CHMP1A: variants seen among roughly 807,000 people sequenced by gnomAD.
CHMP1A encodes VPS46 homolog A.
Under a neutral mutation model 27.0 loss-of-function variants are expected in CHMP1A, and 17 were observed. That is an observed-to-expected ratio of 0.63 (90% CI 0.43 to 0.95). The LOEUF (loss-of-function observed/expected upper bound fraction) is 0.95, where lower values mean the gene tolerates loss of function less well. Ranked by LOEUF, CHMP1A falls within the 40% of genes least tolerant of loss-of-function variation. CHMP1A has a pLI of 0.00. For missense variants in CHMP1A, 275 were observed against 264.0 expected, an observed-to-expected ratio of 1.04 and a Z score of -0.29; for synonymous variants, 131 against 107.5, an observed-to-expected ratio of 1.22 and a Z score of -1.35.
In CHMP1A at chr16:89,646,829, T is replaced by G. The variant is rs573021142; in HGVS notation, c.382-115A>C. On this transcript the variant is annotated intron_variant, in intron 5 of 6. Coordinates refer to ENST00000397901, the MANE Select transcript of CHMP1A (RefSeq NM_002768.5). ...TCCCTCACACAGCCAGCCACCTTCT[T>G]GCCCTGTTCTCTCAGTGACTCTCTC... 1.4e-4 allele frequency: 169 copies of G among 1,200,436 alleles called. No individual in the cohort carries two copies. In the African/African-American group the frequency reaches 2.0e-3, roughly 14 times the overall value. The allele number at this position is 1,200,436 out of a possible 1,614,324, so 74.4% of individuals were successfully genotyped here. A position where few individuals can be genotyped will look rare whatever the true frequency, so the allele number is the denominator to read the frequency against.
At chr16:89,647,481 G>A in intron 4 of CHMP1A, 150 bp from the exon 5 acceptor site, 1 of 711,332 alleles carries the variant, frequency 1.4e-6, no homozygotes, top group Non-Finnish European at 2.3e-6. Context: ...CATCATCTGG[G>A]TCCTATGGAA....
rs1165684243 is a variant in CHMP1A at position 89,645,021 on chromosome 16, C to T, written c.*1045G>A. 1 of 152,486 alleles carries T rather than the reference C, an allele frequency of 6.6e-6. No individual in the cohort carries two copies. The highest frequency in any genetic ancestry group is 2.4e-5 in the African/African-American group (1 of 41,458). 9.4% of individuals were successfully genotyped at this position (152,486 alleles called of 1,614,324 possible). The stretch of plus-strand genomic sequence containing the variant: ...TTCCCAAGAGCTGCTGGTGACTCTC[C>T]AGGGCCACAATGGCAGGTTTTCCTC... On this transcript the variant is annotated 3_prime_UTR_variant, in exon 7 of 7. Coordinates refer to ENST00000397901, the MANE Select transcript of CHMP1A (RefSeq NM_002768.5).
At position 89,648,392 on chromosome 16, in the gene CHMP1A, CCGCCGACGTGGGGACCCAGCGCGGGGTCG is replaced by C. The variant is rs1568000848; in HGVS notation, c.252+930_252+958del. ...CAGCGCGGGGTCGGTGGAGAAAAGGCCGCCGACGTGGGGACCCAGCGCGGGGTCGGTGGAGAAAAGGCCGCCGACGTGGG... is the reference window on the plus strand; with the variant it reads ...CAGCGCGGGGTCGGTGGAGAAAAGGCGTGGAGAAAAGGCCGCCGACGTGGG... On this transcript the variant is annotated intron_variant, in intron 4 of 6. Transcript: ENST00000397901. Among the ~76,000 whole-genome samples, 51 of 119,398 alleles carry C rather than the reference CCGCCGACGTGGGGACCCAGCGCGGGGTCG, an allele frequency of 4.3e-4. 5 individuals are homozygous for C. Among genetic ancestry groups the C allele is most frequent in the Middle Eastern group, 4.7e-3 (1 of 214 alleles). 78.3% of individuals were successfully genotyped at this position (119,398 alleles called of 152,430 possible). A position where few individuals can be genotyped will look rare whatever the true frequency, so the allele number is the denominator to read the frequency against.
In CHMP1A at chr16:89,645,310, C is replaced by T. The variant is rs911178766; in HGVS notation, c.*756G>A. Reference sequence around the variant, plus strand: ...GCCTGCTGGTGGACAGGCTCCCTGTCGAGGAGACAAACAGCACAGCACATG... The same window carrying T: ...GCCTGCTGGTGGACAGGCTCCCTGTTGAGGAGACAAACAGCACAGCACATG... On this transcript the variant is annotated 3_prime_UTR_variant, in exon 7 of 7. Transcript: ENST00000397901. 135 of 152,702 alleles carry T rather than the reference C, an allele frequency of 8.8e-4. 1 individual carries two copies. The highest frequency in any genetic ancestry group is 3.2e-4 in the Non-Finnish European group (22 of 68,340). 9.5% of individuals were successfully genotyped at this position (152,702 alleles called of 1,614,324 possible).
chr16:89,655,658 C>T (rs1398011660), intron 1 of CHMP1A, among the ~76,000 whole-genome samples: 2 of 151,698 alleles, frequency 1.3e-5, no homozygotes, highest in Non-Finnish European at 2.9e-5. Flanking sequence ...CGGAGTCTCA[C>T]TCTATCACCC....
rs1043468184 is a variant in CHMP1A at position 89,646,924 on chromosome 16, G to C, written c.382-210C>G. ...CCCACCCTCTGACTGTGCCATGCCT[G>C]CTGCCGCGGGTGGACATCTTTCCAC... On this transcript the variant is annotated intron_variant, in intron 5 of 6. Transcript: ENST00000397901. 9 of 777,362 alleles carry C rather than the reference G, an allele frequency of 1.2e-5. No individual in the cohort carries two copies. The African/African-American group carries it at 1.5e-4, about 13-fold the overall frequency. 48.2% of individuals were successfully genotyped at this position (777,362 alleles called of 1,614,324 possible). A position where few individuals can be genotyped will look rare whatever the true frequency, so the allele number is the denominator to read the frequency against.
In CHMP1A at chr16:89,644,867, C is replaced by CACCT. The variant is rs1173162133; in HGVS notation, c.*1195_*1198dup. The CACCT allele has an allele frequency of 6.5e-6, 1 of 152,706 alleles. No homozygotes were observed. The allele number at this position is 152,706 out of a possible 1,614,324, so 9.5% of individuals were successfully genotyped here. ...CCCGCACTCCCTGCCAGCCGCCCAC[C>CACCT]ACCTGCCTTTTCTACTTTGGCAAAA... is the stretch of plus-strand genomic sequence containing the variant. On this transcript the variant is annotated 3_prime_UTR_variant, in exon 7 of 7. Transcript: ENST00000397901.
At position 89,657,619 on chromosome 16, in the gene CHMP1A, G is replaced by T. The variant is rs73262948; in HGVS notation, c.-31C>A. 12 of 1,610,068 alleles carry T rather than the reference G, an allele frequency of 7.5e-6. No homozygotes were observed. The South Asian group carries it at 9.9e-5, about 13-fold the overall frequency. On this transcript the variant is annotated 5_prime_UTR_variant, in exon 1 of 7. Coordinates refer to ENST00000397901, the MANE Select transcript of CHMP1A (RefSeq NM_002768.5). ...CAATGACAGGAGCAGCACTCGGAGA[G>T]GGAGAAGGGACGCCAACTCCGGGCG... is the stretch of plus-strand genomic sequence containing the variant.
chr16:89,647,371 G>C, intron 4 of CHMP1A, 40 bp from the exon 5 acceptor site: 1 of 1,578,256 alleles, frequency 6.3e-7, no homozygotes, highest in Non-Finnish European at 8.7e-7. Context: ...AGGATGAAAG[G>C]CAAGTGGAGC....
chr16:89,655,343 T>C (rs2059855924), intron 1 of CHMP1A, among the ~76,000 whole-genome samples: 2 of 143,304 alleles, frequency 1.4e-5, no homozygotes, highest in Non-Finnish European at 1.5e-5. Flanking sequence ...TGTGGGATGC[T>C]GGCCAAACCG....
chr16:89,656,199 C>T (rs1268646870), intron 1 of CHMP1A, among the ~76,000 whole-genome samples: 3 of 152,190 alleles, frequency 2.0e-5, no homozygotes, highest in Admixed American at 6.5e-5. Flanking sequence ...TGAAGTGGCG[C>T]GATCTCGGCT....
At chr16:89,649,524 G>T (rs748961598) in intron 3 of CHMP1A, 27 bp from the exon 4 acceptor site, 1 of 1,612,970 alleles carries the variant, frequency 6.2e-7, no homozygotes, top group Admixed American at 1.7e-5. Flanking sequence ...AAAGCAGCTG[G>T]AAGAGCTTGG....
intron 3 of CHMP1A, 165 bp from the exon 4 acceptor site, chr16:89,649,662 GC>G: frequency 3.9e-6 from 3 of 760,714 alleles, no homozygotes; most frequent in Non-Finnish European, 6.2e-6. Context: ...CGCAAGCTCC[GC>G]CCCCCAGGTT....
At chr16:89,657,478 C>T in intron 1 of CHMP1A, 104 bp downstream of exon 1, 1 of 1,464,000 alleles carries the variant, frequency 6.8e-7, no homozygotes, top group Non-Finnish European at 9.4e-7. Flanking sequence ...GGCCCGAGCT[C>T]TCCTGAGTCC....
At chr16:89,653,221 T>C (rs2059838828) in intron 2 of CHMP1A, among the ~76,000 whole-genome samples, 1 of 149,636 alleles carries the variant, frequency 6.7e-6, no homozygotes, top group Non-Finnish European at 1.5e-5. Flanking sequence ...GGGGTTTCAC[T>C]GTGGTCTCCA....
rs113121772 is a variant in CHMP1A at position 89,647,539 on chromosome 16, A to G, written c.253-208T>C. On this transcript the variant is annotated intron_variant, in intron 4 of 6. Transcript: ENST00000397901. ...GGCCATGGAGACCCAGTGCGGGGTC[A>G]GTGGAGAAAAGGCCGCCGACGTGGA... Among the ~76,000 whole-genome samples, 3,771 of 128,176 alleles carry G rather than the reference A, an allele frequency of 0.029. 153 individuals carry two copies. Among genetic ancestry groups the G allele is most frequent in the African/African-American group, 0.11 (3,248 of 30,816 alleles). The allele number at this position is 128,176 out of a possible 152,430, so 84.1% of individuals were successfully genotyped here. A position where few individuals can be genotyped will look rare whatever the true frequency, so the allele number is the denominator to read the frequency against.
In CHMP1A at chr16:89,644,675, T is replaced by A. The variant is rs1157577491; in HGVS notation, c.*1391A>T. 1.3e-5 allele frequency: 2 copies of A among 152,196 alleles called. No individual in the cohort carries two copies. The highest frequency in any genetic ancestry group is 4.8e-5 in the African/African-American group (2 of 41,426). 9.4% of individuals were successfully genotyped at this position (152,196 alleles called of 1,614,324 possible). A position where few individuals can be genotyped will look rare whatever the true frequency, so the allele number is the denominator to read the frequency against. On this transcript the variant is annotated 3_prime_UTR_variant, in exon 7 of 7. Coordinates refer to ENST00000397901, the MANE Select transcript of CHMP1A (RefSeq NM_002768.5). ...TCTAGGACCTACCAACACTAGCCCC[T>A]CCCTGGGGGCTCCCAAGTTCTGAAA... is the stretch of plus-strand genomic sequence containing the variant.
In CHMP1A at chr16:89,657,594, C is replaced by G; in HGVS notation, c.-6G>C. The G allele has an allele frequency of 6.2e-7, 1 of 1,611,308 alleles. No homozygotes were observed. Among genetic ancestry groups the G allele is most frequent in the East Asian group, 2.2e-5 (1 of 44,790 alleles). ...CGCGACCTCTTACCGTCCATGGCCACAATGACAGGAGCAGCACTCGGAGAG... is the reference window on the plus strand; with the variant it reads ...CGCGACCTCTTACCGTCCATGGCCAGAATGACAGGAGCAGCACTCGGAGAG... On this transcript the variant is annotated 5_prime_UTR_variant, in exon 1 of 7. Coordinates refer to ENST00000397901, the MANE Select transcript of CHMP1A (RefSeq NM_002768.5).
chr16:89,657,497 G>T, intron 1 of CHMP1A, 85 bp downstream of exon 1: 1 of 1,553,314 alleles, frequency 6.4e-7, no homozygotes, highest in South Asian at 1.2e-5. Context: ...CCTGCCCGCG[G>T]CCCCAGGTGG....
Sources: gnomAD v4.1 joint callset for allele counts (sites outside exome capture counted in the v4.1 genomes callset) on GRCh38, gnomAD v4.1.1 for gene constraint, MANE v1.5 for transcripts, NCBI Gene and HGNC (gene_info 2026-07-23, HGNC 2026-07-21) for gene names.